The following CRIPTO variants were observed in gnomAD, a reference collection of about 807,000 sequenced individuals.
CRIPTO encodes the protein cripto, EGF-CFC family member, also known as protein Cripto.
chr3:46,577,348 C>T, the CRIPTO span: 2 of 155,636 alleles, frequency 1.3e-5, no homozygotes, highest in African/African-American at 2.4e-5. Context: ...GAGTACGGGG[C>T]TCAAAACACC....
chr3:46,576,618 C>T, the CRIPTO span, among the ~76,000 whole-genome samples: 1 of 151,812 alleles, frequency 6.6e-6, no homozygotes, highest in East Asian at 1.9e-4. Flanking sequence ...TTCTTTCTGC[C>T]GAGGCCTAAA....
At chr3:46,581,315 G>A in the CRIPTO span, 2 of 1,238,276 alleles carry the variant, frequency 1.6e-6, no homozygotes, top group South Asian at 1.2e-5. Context: ...ACCAGTAAAG[G>A]CTGCTGCTAC....
chr3:46,574,687 G>C, the CRIPTO span: 1 of 152,188 alleles, frequency 6.6e-6, no homozygotes, highest in Non-Finnish European at 1.5e-5. Context: ...TTGGAATTTA[G>C]TTCTACGTGT....
At chr3:46,578,976 T>G in the CRIPTO span, 1 of 1,145,928 alleles carries the variant, frequency 8.7e-7, no homozygotes, top group South Asian at 1.3e-5. Flanking sequence ...AAGATGGTGC[T>G]CTACAATTTC....
chr3:46,581,243 A>T, the CRIPTO span: 3 of 1,611,064 alleles, frequency 1.9e-6, no homozygotes, highest in Non-Finnish European at 2.5e-6. Context: ...ATACAAAGCT[A>T]CTATTAATCG....
the CRIPTO span, chr3:46,579,631 A>G: frequency 7.6e-7 from 1 of 1,314,048 alleles, no homozygotes; most frequent in South Asian, 1.2e-5. Context: ...AAAGGCACAG[A>G]GACTTACTCT....
At chr3:46,575,039 C>G in the CRIPTO span, among the ~76,000 whole-genome samples, 5 of 152,218 alleles carry the variant, frequency 3.3e-5, no homozygotes, top group African/African-American at 1.2e-4. Flanking sequence ...TTGCACAGCA[C>G]TTCCCAATCC....
At chr3:46,579,826 G>A in the CRIPTO span, 2 of 1,613,986 alleles carry the variant, frequency 1.2e-6, no homozygotes, top group Admixed American at 1.7e-5. Context: ...TTCTACGGAC[G>A]GAACTGTGAG....
At chr3:46,576,167 T>C in the CRIPTO span, among the ~76,000 whole-genome samples, 1 of 152,162 alleles carries the variant, frequency 6.6e-6, no homozygotes, top group African/African-American at 2.4e-5. Context: ...TTACGTTTGC[T>C]TCTCCCAAGA....
chr3:46,576,370 A>C, the CRIPTO span, among the ~76,000 whole-genome samples: 6 of 148,966 alleles, frequency 4.0e-5, no homozygotes, highest in Non-Finnish European at 7.4e-5. Flanking sequence ...CAGGAGGTTG[A>C]GGCAGGAGAA....
chr3:46,577,945 C>T, the CRIPTO span: 1 of 1,613,906 alleles, frequency 6.2e-7, no homozygotes, highest in Non-Finnish European at 8.5e-7. Flanking sequence ...GCTAACGCCT[C>T]TTTTCCCCCT....
At chr3:46,575,777 G>A in the CRIPTO span, among the ~76,000 whole-genome samples, 1 of 152,226 alleles carries the variant, frequency 6.6e-6, no homozygotes, top group East Asian at 1.9e-4. Flanking sequence ...AATAGAACTA[G>A]TTGTCTTGTC....
chr3:46,580,581 C>T, the CRIPTO span, among the ~76,000 whole-genome samples: 1 of 141,822 alleles, frequency 7.1e-6, no homozygotes, highest in South Asian at 2.8e-4. Context: ...GTCACAGAAC[C>T]CTTTCACCTT....
chr3:46,576,145 A>G, the CRIPTO span, among the ~76,000 whole-genome samples: 9 of 152,188 alleles, frequency 5.9e-5, no homozygotes, highest in Non-Finnish European at 8.8e-5. Context: ...CACTCCCCCA[A>G]TACAAATTAT....
the CRIPTO span, chr3:46,577,943 C>T: frequency 6.2e-7 from 1 of 1,613,672 alleles, no homozygotes; most frequent in Non-Finnish European, 8.5e-7. Flanking sequence ...ATGCTAACGC[C>T]TCTTTTCCCC....
the CRIPTO span, chr3:46,579,424 T>A: frequency 6.8e-6 from 11 of 1,613,376 alleles, no homozygotes; most frequent in Admixed American, 1.8e-4. Flanking sequence ...CTCCTGAGTA[T>A]CTTTCCAACA....
the CRIPTO span, chr3:46,579,056 CTTTG>C: frequency 6.2e-7 from 1 of 1,612,166 alleles, no homozygotes; most frequent in Non-Finnish European, 8.5e-7. Context: ...GTTTTATTTC[CTTTG>C]TTTGGCTAAC....
the CRIPTO span, chr3:46,579,924 G>C: frequency 6.2e-7 from 1 of 1,614,140 alleles, no homozygotes; most frequent in South Asian, 1.1e-5. Context: ...CAGACCCAAG[G>C]CTATCGCCTT....
the CRIPTO span, among the ~76,000 whole-genome samples, chr3:46,578,383 A>C: frequency 0.031 from 4,138 of 132,776 alleles, 52 homozygotes; most frequent in Middle Eastern, 0.055. Context: ...AAAAAAAAAA[A>C]CCCACATTTT....
Sources: gnomAD v4.1 joint callset for allele counts (sites outside exome capture counted in the v4.1 genomes callset) on GRCh38, gnomAD v4.1.1 for gene constraint, MANE v1.5 for transcripts, NCBI Gene and HGNC (gene_info 2026-07-23, HGNC 2026-07-21) for gene names.